Variants in AUTS2 observed in about 807,000 individuals in gnomAD.
AUTS2 encodes the protein activator of transcription and developmental regulator AUTS2.
In AUTS2, 17 loss-of-function variants were observed where a neutral mutation model predicts 112.4. The observed-to-expected ratio is 0.15, with a 90% CI of 0.10 to 0.23. AUTS2 has a LOEUF of 0.23. Ranked by LOEUF, AUTS2 falls within the 10% of genes least tolerant of loss-of-function variation. The pLI is 1.00. For synonymous variants in AUTS2, 751 were observed against 702.7 expected, an observed-to-expected ratio of 1.07 and a Z score of -1.09; for missense variants, 1,510 against 1,701.6, an observed-to-expected ratio of 0.89 and a Z score of 1.98.
Position 70,784,742 on chromosome 7 carries a change from TA to T in AUTS2, c.2147-169del, listed in dbSNP as rs71077682. 0.019 allele frequency: 5,255 copies of T among 279,902 alleles called. 91 individuals carry two copies. The highest frequency in any genetic ancestry group is 0.025 in the Non-Finnish European group (4,113 of 163,350). The allele number at this position is 279,902 out of a possible 1,614,324, so 17.3% of individuals were successfully genotyped here. A position where few individuals can be genotyped will look rare whatever the true frequency, so the allele number is the denominator to read the frequency against. On this transcript the variant is annotated intron_variant, in intron 15 of 18. Transcript: ENST00000342771. ...GAGGGATGATTGATTTTCTGCTTCC[TA>T]AAAAAAAAAAAAAAAAAAAAAAAAA...
intron 4 of AUTS2, chr7:70,290,299 C>T: frequency 1.5e-6 from 2 of 1,365,402 alleles, no homozygotes; most frequent in Non-Finnish European, 1.9e-6. Context: ...AAACATTTAG[C>T]ACAGTATTAT....
At chr7:70,442,942 C>G (rs554287642) in intron 5 of AUTS2, among the ~76,000 whole-genome samples, 1 of 152,238 alleles carries the variant, frequency 6.6e-6, no homozygotes, top group East Asian at 1.9e-4. Context: ...GCATACATCC[C>G]AAATACACAT....
intron 1 of AUTS2, among the ~76,000 whole-genome samples, chr7:69,809,821 A>T (rs1416063538): frequency 6.6e-6 from 1 of 152,076 alleles, no homozygotes; most frequent in Non-Finnish European, 1.5e-5. Context: ...TTTATTGAAC[A>T]CCCCGGAAGC....
chr7:69,865,968 G>A (rs2129533973), intron 1 of AUTS2, among the ~76,000 whole-genome samples: 1 of 152,250 alleles, frequency 6.6e-6, no homozygotes, highest in East Asian at 1.9e-4. Flanking sequence ...TTGTATTCAT[G>A]TTTGTAGTCT....
At chr7:70,660,426 C>T (rs907550187) in intron 5 of AUTS2, among the ~76,000 whole-genome samples, 2 of 152,216 alleles carry the variant, frequency 1.3e-5, no homozygotes, top group South Asian at 2.1e-4. Flanking sequence ...TGCACAGCTT[C>T]TCAAAGTGAG....
intron 5 of AUTS2, among the ~76,000 whole-genome samples, chr7:70,496,444 TCA>T (rs1448209338): frequency 6.5e-5 from 7 of 108,482 alleles, no homozygotes; most frequent in African/African-American, 2.6e-4. Flanking sequence ...TCAGCATCGA[TCA>T]CACACACCAC....
chr7:70,590,876 G>A (rs1802910396), intron 5 of AUTS2, among the ~76,000 whole-genome samples: 1 of 152,144 alleles, frequency 6.6e-6, no homozygotes. Context: ...TGTCCTTTCA[G>A]AGTGCCATCG....
chr7:70,490,193 T>C (rs1798177163), intron 5 of AUTS2, among the ~76,000 whole-genome samples: 1 of 151,952 alleles, frequency 6.6e-6, no homozygotes, highest in South Asian at 2.1e-4. Flanking sequence ...AATTATTGAA[T>C]AGAAAACAAC....
chr7:70,764,647 A>G, intron 7 of AUTS2, 105 bp from the exon 8 acceptor site: 1 of 657,118 alleles, frequency 1.5e-6, no homozygotes, highest in East Asian at 2.7e-5. Flanking sequence ...GGGGCAAGAG[A>G]GACTGTGGTG....
chr7:69,936,907 G>T (rs989620041), intron 2 of AUTS2, among the ~76,000 whole-genome samples: 7 of 151,514 alleles, frequency 4.6e-5, no homozygotes, highest in Non-Finnish European at 5.9e-5. Context: ...TCTTTCCGTC[G>T]TTCCTCCCTC....
At chr7:70,171,699 G>A (rs1393176240) in intron 4 of AUTS2, among the ~76,000 whole-genome samples, 1 of 152,216 alleles carries the variant, frequency 6.6e-6, no homozygotes. Flanking sequence ...GAGTTCATGA[G>A]CAGAGAAATA....
intron 5 of AUTS2, among the ~76,000 whole-genome samples, chr7:70,544,080 A>T (rs1800668780): frequency 6.6e-6 from 1 of 152,132 alleles, no homozygotes; most frequent in Non-Finnish European, 1.5e-5. Context: ...TTGTATTTAA[A>T]CGGTTTCTCC....
intron 1 of AUTS2, among the ~76,000 whole-genome samples, chr7:69,869,255 A>C (rs1793373108): frequency 1.3e-5 from 2 of 152,064 alleles, no homozygotes; most frequent in Admixed American, 6.6e-5. Context: ...GCATTTTGTG[A>C]ATACTGGATG....
intron 5 of AUTS2, among the ~76,000 whole-genome samples, chr7:70,678,549 C>A (rs1481174755): frequency 1.3e-5 from 2 of 152,218 alleles, no homozygotes; most frequent in South Asian, 2.1e-4. Flanking sequence ...CAACCCTGGT[C>A]TTTTCAAGAC....
At chr7:70,603,910 A>G (rs886695030) in intron 5 of AUTS2, among the ~76,000 whole-genome samples, 2 of 121,872 alleles carry the variant, frequency 1.6e-5, no homozygotes, top group Non-Finnish European at 3.6e-5. Context: ...GCACTTTAGT[A>G]TTTTCTGCCA....
intron 5 of AUTS2, among the ~76,000 whole-genome samples, chr7:70,461,200 A>G (rs561323055): frequency 3.4e-5 from 5 of 145,080 alleles, no homozygotes; most frequent in Admixed American, 2.0e-4. Flanking sequence ...ACTTAAGGGC[A>G]GAAAAAAGGA....
chr7:69,818,673 G>A (rs1790861550), intron 1 of AUTS2, among the ~76,000 whole-genome samples: 1 of 152,160 alleles, frequency 6.6e-6, no homozygotes, highest in Admixed American at 6.5e-5. Context: ...ATGCTGATTT[G>A]GCTCAGCAGT....
chr7:70,349,192 C>T (rs894252634), intron 4 of AUTS2, among the ~76,000 whole-genome samples: 1 of 152,170 alleles, frequency 6.6e-6, no homozygotes, highest in Non-Finnish European at 1.5e-5. Context: ...TCAGAGACCT[C>T]TGCTCACAGA....
At chr7:70,282,539 C>G (rs143089800) in intron 4 of AUTS2, among the ~76,000 whole-genome samples, 45 of 152,138 alleles carry the variant, frequency 3.0e-4, no homozygotes, top group African/African-American at 1.0e-3. Flanking sequence ...GGCCTTTTTT[C>G]TAAAGGCACT....
Sources: allele counts gnomAD v4.1 joint callset (sites outside exome capture counted in the v4.1 genomes callset), GRCh38; gene constraint gnomAD v4.1.1; transcripts MANE v1.5; gene names NCBI Gene and HGNC (gene_info 2026-07-23, HGNC 2026-07-21).